Variants in COX7A2L observed in about 807,000 individuals in gnomAD.
COX7A2L encodes the protein cytochrome c oxidase subunit 7A2 like.
A neutral mutation model predicts 14.2 loss-of-function variants in COX7A2L; 18 were observed. The observed-to-expected ratio is 1.27, with a 90% CI of 0.88 to 1.88. COX7A2L has a LOEUF of 1.88. Ranked by LOEUF, COX7A2L falls within the 40% of genes most tolerant of loss-of-function variation. COX7A2L has a pLI of 0.00. For synonymous variants in COX7A2L, 65 were observed against 57.4 expected (o/e 1.13, Z -0.60); for missense variants, 179 against 138.8 (o/e 1.29, Z -1.46).
chr2:42,343,674 T>C (rs1424228661), intron 2 of COX7A2L, among the ~76,000 whole-genome samples: 1 of 152,244 alleles, frequency 6.6e-6, no homozygotes, highest in Non-Finnish European at 1.5e-5. Context: ...CCAATTTTTA[T>C]AGCCCCAGGT....
intron 2 of COX7A2L, among the ~76,000 whole-genome samples, chr2:42,337,913 G>C (rs1376682954): frequency 1.3e-5 from 2 of 152,222 alleles, no homozygotes; most frequent in Non-Finnish European, 2.9e-5. Context: ...GTGGGACCAA[G>C]CGGTGCCCAC....
Position 42,339,343 on chromosome 2 carries a change from A to AACG in COX7A2L, c.193-5477_193-5475dup, listed in dbSNP as rs2103872952. Among the ~76,000 whole-genome samples, 1 of 152,190 alleles carries AACG rather than the reference A, an allele frequency of 6.6e-6. No homozygotes were observed. Among genetic ancestry groups the AACG allele is most frequent in the South Asian group, 2.1e-4 (1 of 4,810 alleles). ...CTCTTGCTCCTCCATGTCCTGATTC[A>AACG]ACGCTAGGCTCCGTTCCACACCACT... On this transcript the variant is annotated intron_variant, in intron 2 of 2. Coordinates refer to the COX7A2L transcript ENST00000468711. The surrounding 1 kb of genome is among the most constrained non-coding windows in gnomAD (Gnocchi z 5.4).
rs1409214272 is a variant in COX7A2L, at chr2:42,350,530, C to A, written c.*689G>T. 6.6e-6 allele frequency: 1 copy of A among 152,052 alleles called. No individual in the cohort carries two copies. The highest frequency in any genetic ancestry group is 1.5e-5 in the Non-Finnish European group (1 of 68,012). The allele number at this position is 152,052 out of a possible 1,614,324, so 9.4% of individuals were successfully genotyped here. The stretch of plus-strand genomic sequence containing the variant: ...TTCATTCATGTATTTATTCCACAGT[C>A]AAAATAAATCAAAATTTAAAGCTAT... On this transcript the variant is annotated 3_prime_UTR_variant, in exon 3 of 3. Transcript: ENST00000234301.
At chr2:42,359,864 C>T (rs1272689324) in intron 1 of COX7A2L, 1 of 138,148 alleles carries the variant, frequency 7.2e-6, no homozygotes, top group African/African-American at 2.7e-5. Flanking sequence ...AAAAAAAAAA[C>T]TTGCCCTTCT....
chr2:42,354,779 C>T (rs1425067097), intron 1 of COX7A2L, among the ~76,000 whole-genome samples: 3 of 152,212 alleles, frequency 2.0e-5, no homozygotes, highest in Non-Finnish European at 4.4e-5. Flanking sequence ...TTGCTCTACA[C>T]TAGAAATACA....
intron 2 of COX7A2L, among the ~76,000 whole-genome samples, chr2:42,351,628 G>A (rs1670647958): frequency 6.6e-6 from 1 of 152,168 alleles, no homozygotes; most frequent in Non-Finnish European, 1.5e-5. Context: ...TGCTTAACTG[G>A]AGCATTGGTG....
chr2:42,348,774 T>C (rs6726124), downstream of COX7A2L, among the ~76,000 whole-genome samples: 73,998 of 151,692 alleles, frequency 0.49, 18,624 homozygotes, highest in East Asian at 0.74. Flanking sequence ...AACAATTAGC[T>C]GGGCATGGTG....
intron 2 of COX7A2L, among the ~76,000 whole-genome samples, chr2:42,351,713 C>A (rs1400524300): frequency 2.6e-5 from 4 of 152,206 alleles, no homozygotes; most frequent in Non-Finnish European, 4.4e-5. Context: ...GTGGCTCACA[C>A]CTGTAATCCC....
chr2:42,336,123 G>A (rs185359053), intron 2 of COX7A2L, among the ~76,000 whole-genome samples: 6 of 152,194 alleles, frequency 3.9e-5, no homozygotes. Flanking sequence ...GCTTCTCTCT[G>A]TCATTGGCCA....
rs1194124196 is a variant in COX7A2L at position 42,350,767 on chromosome 2, T to G, written c.*452A>C. 6.6e-6 allele frequency: 1 copy of G among 152,554 alleles called. No individual in the cohort carries two copies. Among genetic ancestry groups the G allele is most frequent in the Admixed American group, 6.5e-5 (1 of 15,302 alleles). The allele number at this position is 152,554 out of a possible 1,614,324, so 9.5% of individuals were successfully genotyped here. On this transcript the variant is annotated 3_prime_UTR_variant, in exon 3 of 3. Coordinates refer to ENST00000234301, the MANE Select transcript of COX7A2L (RefSeq NM_004718.4). The stretch of plus-strand genomic sequence containing the variant: ...AGGCTACATTAATTTAACATTTTAC[T>G]GCAAAATGGAAAAAATCCCCGAGGT...
intron 2 of COX7A2L, among the ~76,000 whole-genome samples, chr2:42,337,833 T>C (rs1015261133): frequency 1.3e-5 from 2 of 152,196 alleles, no homozygotes; most frequent in Non-Finnish European, 2.9e-5. Flanking sequence ...CCACGAAGCC[T>C]TTTGAAACTC....
At chr2:42,345,200 T>G (rs1361777649), downstream of COX7A2L, among the ~76,000 whole-genome samples, 1 of 151,904 alleles carries the variant, frequency 6.6e-6, no homozygotes, top group Non-Finnish European at 1.5e-5. Context: ...CTGACCAACA[T>G]GGAGAAACCC....
At chr2:42,337,576 G>A (rs1670308548) in intron 2 of COX7A2L, among the ~76,000 whole-genome samples, 1 of 152,096 alleles carries the variant, frequency 6.6e-6, no homozygotes, top group Non-Finnish European at 1.5e-5. Context: ...TAGAGTGCAC[G>A]CTGAACTGCT....
chr2:42,366,133 A>T (rs9309083), upstream of COX7A2L, among the ~76,000 whole-genome samples: 148,884 of 152,310 alleles, frequency 0.98, 72,784 homozygotes, highest in East Asian at 1. Flanking sequence ...CTATTCAGTA[A>T]CAAAACAAGG....
chr2:42,339,951 G>A lies in COX7A2L; in HGVS notation c.193-6082C>T, dbSNP rs958975863. ...TCTCCACCCACCTTGTTCAGTCTTGGTTATCCCCCATTCTATTTCCTCACT... is the reference window on the plus strand; with the variant it reads ...TCTCCACCCACCTTGTTCAGTCTTGATTATCCCCCATTCTATTTCCTCACT... On this transcript the variant is annotated intron_variant, in intron 2 of 2. Coordinates refer to the COX7A2L transcript ENST00000468711. The surrounding 1 kb of genome is among the most constrained non-coding windows in gnomAD (Gnocchi z 5.4). Among the ~76,000 whole-genome samples, 3 of 151,962 alleles carry A rather than the reference G, an allele frequency of 2.0e-5. No individual in the cohort carries two copies. The highest frequency in any genetic ancestry group is 2.0e-4 in the Admixed American group (3 of 15,264).
At chr2:42,341,810 C>A (rs908753531) in intron 2 of COX7A2L, among the ~76,000 whole-genome samples, 3 of 152,188 alleles carry the variant, frequency 2.0e-5, no homozygotes, top group Non-Finnish European at 4.4e-5. Context: ...ATGCTGAATG[C>A]AACACAGATT....
chr2:42,361,237 G>T, upstream of COX7A2L: 5 of 1,419,504 alleles, frequency 3.5e-6, no homozygotes, highest in Middle Eastern at 3.5e-4. Flanking sequence ...CCCCGGCTGT[G>T]GTCCCGAGAC....
intron 1 of COX7A2L, among the ~76,000 whole-genome samples, chr2:42,355,898 G>C (rs1670802389): frequency 6.6e-6 from 1 of 151,792 alleles, no homozygotes. Context: ...GCTAATTTTT[G>C]TATTTTTCAT....
intron 1 of COX7A2L, among the ~76,000 whole-genome samples, chr2:42,366,430 A>G (rs1671167268): frequency 6.6e-6 from 1 of 152,200 alleles, no homozygotes; most frequent in South Asian, 2.1e-4. Context: ...TCTCAAAAAA[A>G]CAAAAACATA....
Sources: gnomAD v4.1 joint callset for allele counts (sites outside exome capture counted in the v4.1 genomes callset) on GRCh38, gnomAD v4.1.1 for gene constraint, Gnocchi (gnomAD v3.1) non-coding constraint, MANE v1.5 for transcripts, NCBI Gene and HGNC (gene_info 2026-07-23, HGNC 2026-07-21) for gene names.